PABPC4L: variants seen among roughly 807,000 people sequenced by gnomAD.
The protein encoded by PABPC4L is polyadenylate-binding protein 4-like.
For missense variants in PABPC4L, 452 were observed against 451.4 expected, an observed-to-expected ratio of 1.00 and a Z score of -0.01; for synonymous variants, 169 against 164.1, an observed-to-expected ratio of 1.03 and a Z score of -0.23.
chr4:134,030,088 G>A, the PABPC4L span, among the ~76,000 whole-genome samples: 1 of 152,082 alleles, frequency 6.6e-6, no homozygotes, highest in Non-Finnish European at 1.5e-5. Flanking sequence ...GTGAAACTGA[G>A]AGTGGATTAA....
the PABPC4L span, among the ~76,000 whole-genome samples, chr4:134,074,650 G>A: frequency 6.6e-6 from 1 of 152,080 alleles, no homozygotes; most frequent in South Asian, 2.1e-4. Flanking sequence ...CCCAACACTG[G>A]GTAATTTATA....
chr4:134,057,419 A>G, the PABPC4L span, among the ~76,000 whole-genome samples: 1 of 152,076 alleles, frequency 6.6e-6, no homozygotes, highest in Non-Finnish European at 1.5e-5. Context: ...CTGTGATGAA[A>G]GTCGGACTGT....
chr4:134,161,307 C>T, the PABPC4L span, among the ~76,000 whole-genome samples: 3 of 150,482 alleles, frequency 2.0e-5, no homozygotes, highest in African/African-American at 4.9e-5. Flanking sequence ...GAAGAAAAAT[C>T]TAAGAGTTAT....
At chr4:134,194,503 T>C (rs1192617599), downstream of PABPC4L, among the ~76,000 whole-genome samples, 1 of 151,850 alleles carries the variant, frequency 6.6e-6, no homozygotes, top group Non-Finnish European at 1.5e-5. Flanking sequence ...CTCATTACCT[T>C]GGTTACAATG....
At chr4:134,060,194 T>G in the PABPC4L span, among the ~76,000 whole-genome samples, 1 of 152,188 alleles carries the variant, frequency 6.6e-6, no homozygotes, top group Non-Finnish European at 1.5e-5. Flanking sequence ...AGTCAGAATT[T>G]GAGTTCTGGT....
chr4:134,103,554 C>G, the PABPC4L span, among the ~76,000 whole-genome samples: 1 of 151,588 alleles, frequency 6.6e-6, no homozygotes, highest in South Asian at 2.1e-4. Flanking sequence ...TAGGGCATAT[C>G]CATATGACCT....
At chr4:134,167,561 CAT>C in the PABPC4L span, among the ~76,000 whole-genome samples, 1 of 151,596 alleles carries the variant, frequency 6.6e-6, no homozygotes, top group Non-Finnish European at 1.5e-5. Flanking sequence ...TATAAGGACA[CAT>C]AATAGAGTTA....
the PABPC4L span, among the ~76,000 whole-genome samples, chr4:134,034,335 C>G: frequency 2.1e-3 from 313 of 151,836 alleles, 1 homozygote; most frequent in Non-Finnish European, 3.4e-3. Context: ...GAGCTCTGAC[C>G]GAGATGTACA....
At chr4:133,991,004 T>C in the PABPC4L span, among the ~76,000 whole-genome samples, 289 of 152,166 alleles carry the variant, frequency 1.9e-3, 1 homozygote, top group Non-Finnish European at 2.6e-3. Context: ...TTTTCTGTTT[T>C]TTGTTTGTTT....
At chr4:134,094,542 T>A in the PABPC4L span, among the ~76,000 whole-genome samples, 1 of 151,896 alleles carries the variant, frequency 6.6e-6, no homozygotes, top group Non-Finnish European at 1.5e-5. Context: ...TTTAATAACA[T>A]TAACTTTTTT....
At chr4:134,070,691 T>A in the PABPC4L span, among the ~76,000 whole-genome samples, 1 of 152,042 alleles carries the variant, frequency 6.6e-6, no homozygotes, top group Middle Eastern at 3.4e-3. Context: ...GGTGAACTGG[T>A]ACATGTTGGT....
chr4:134,132,774 G>A, the PABPC4L span, among the ~76,000 whole-genome samples: 1 of 150,672 alleles, frequency 6.6e-6, no homozygotes, highest in African/African-American at 2.4e-5. Context: ...ATTTATAGCA[G>A]CACTATTTGC....
At chr4:134,135,015 C>A in the PABPC4L span, among the ~76,000 whole-genome samples, 2 of 151,472 alleles carry the variant, frequency 1.3e-5, no homozygotes, top group African/African-American at 4.8e-5. Flanking sequence ...AGAACACCAT[C>A]CAGAAAGCAA....
the PABPC4L span, among the ~76,000 whole-genome samples, chr4:133,954,179 C>A: frequency 6.6e-6 from 1 of 152,192 alleles, no homozygotes; most frequent in Non-Finnish European, 1.5e-5. Flanking sequence ...CTTCCTCTGG[C>A]CTTCCTTTTG....
the PABPC4L span, among the ~76,000 whole-genome samples, chr4:134,145,310 T>C: frequency 6.6e-6 from 1 of 151,848 alleles, no homozygotes. Flanking sequence ...TTACAGACTT[T>C]ACTCCTATTT....
chr4:134,051,025 T>G, the PABPC4L span, among the ~76,000 whole-genome samples: 1 of 152,144 alleles, frequency 6.6e-6, no homozygotes, highest in Non-Finnish European at 1.5e-5. Context: ...TAAATCCATT[T>G]TGCTCTTCTA....
chr4:134,006,973 A>G, the PABPC4L span, among the ~76,000 whole-genome samples: 1 of 151,904 alleles, frequency 6.6e-6, no homozygotes, highest in East Asian at 1.9e-4. Context: ...AACAGTAACT[A>G]TTACTACATC....
the PABPC4L span, among the ~76,000 whole-genome samples, chr4:134,111,462 G>C: frequency 2.6e-5 from 4 of 151,920 alleles, no homozygotes; most frequent in African/African-American, 9.7e-5. Context: ...GTATGTAACT[G>C]TGACATATTA....
the PABPC4L span, among the ~76,000 whole-genome samples, chr4:134,152,867 T>C: frequency 1.3e-5 from 2 of 152,092 alleles, no homozygotes; most frequent in Non-Finnish European, 2.9e-5. Context: ...TCAGATTGCC[T>C]CCACTCATGG....
Sources: gnomAD v4.1 joint callset for allele counts (sites outside exome capture counted in the v4.1 genomes callset) on GRCh38, gnomAD v4.1.1 for gene constraint, MANE v1.5 for transcripts, NCBI Gene and HGNC (gene_info 2026-07-23, HGNC 2026-07-21) for gene names.